The following EHD2 variants were observed in gnomAD, a reference collection of about 807,000 sequenced individuals.
The protein encoded by EHD2 is EH domain-containing protein 2.
Under a neutral mutation model 41.0 loss-of-function variants are expected in EHD2, and 27 were observed. That is an observed-to-expected ratio of 0.66 (90% CI 0.49 to 0.91). The LOEUF (loss-of-function observed/expected upper bound fraction) is 0.91. Among genes scored for constraint, EHD2 ranks in the 40% least tolerant of loss-of-function variants. The pLI is 0.00. For synonymous variants in EHD2, 342 were observed against 341.0 expected (o/e 1.00, Z -0.03); for missense variants, 673 against 773.9 (o/e 0.87, Z 1.55).
At chr19:47,731,289 T>TATATATATAC (rs1973810466) in intron 4 of EHD2, 1 of 84,464 alleles carries the variant, frequency 1.2e-5, no homozygotes, top group Non-Finnish European at 2.9e-5. Context: ...AATATATATA[T>TATATATATAC]ATATATATAT....
chr19:47,714,000 C>T (rs1178086950), intron 1 of EHD2, among the ~76,000 whole-genome samples: 1 of 152,148 alleles, frequency 6.6e-6, no homozygotes, highest in African/African-American at 2.4e-5. Flanking sequence ...AGAGCCCTCT[C>T]CCTCTGCCCA....
At chr19:47,720,341 AT>A (rs987375889) in intron 3 of EHD2, among the ~76,000 whole-genome samples, 2 of 150,060 alleles carry the variant, frequency 1.3e-5, no homozygotes, top group Admixed American at 6.7e-5. Context: ...TAATTTTTGT[AT>A]TTTTTTTTAG....
chr19:47,713,985 C>T (rs887153144), intron 1 of EHD2, among the ~76,000 whole-genome samples: 1 of 152,036 alleles, frequency 6.6e-6, no homozygotes, highest in Non-Finnish European at 1.5e-5. Flanking sequence ...CCTGGGACAC[C>T]GCCCAGAGCC....
intron 4 of EHD2, among the ~76,000 whole-genome samples, chr19:47,730,521 G>C (rs1973797623): frequency 6.6e-6 from 1 of 152,000 alleles, no homozygotes. Context: ...TCACATATGA[G>C]TCCGCCACAC....
intron 2 of EHD2, 131 bp from the exon 3 acceptor site, chr19:47,718,378 T>A (rs957253418): frequency 2.8e-6 from 2 of 718,106 alleles, no homozygotes; most frequent in East Asian, 5.9e-5. Context: ...TTGCCCTTTT[T>A]CTGTCCGGTG....
At chr19:47,728,357 C>A (rs1156261707) in intron 4 of EHD2, among the ~76,000 whole-genome samples, 1 of 151,916 alleles carries the variant, frequency 6.6e-6, no homozygotes, top group African/African-American at 2.4e-5. Flanking sequence ...GGCTCACTCC[C>A]TCCTCACCCC....
chr19:47,741,727 T>C lies in EHD2; in HGVS notation c.*295T>C. The C allele has an allele frequency of 1.7e-6, 1 of 602,290 alleles. No homozygotes were observed. The highest frequency in any genetic ancestry group is 1.9e-5 in the African/African-American group (1 of 53,614). The allele number at this position is 602,290 out of a possible 1,614,324, so 37.3% of individuals were successfully genotyped here. ...CATCCGTCATTCATTCAAATATTTATTGAGCACCTACTATGTGCCCAGCCC... is the reference window on the plus strand; with the variant it reads ...CATCCGTCATTCATTCAAATATTTACTGAGCACCTACTATGTGCCCAGCCC... On this transcript the variant is annotated 3_prime_UTR_variant, in exon 6 of 6. Coordinates refer to ENST00000263277, the MANE Select transcript of EHD2 (RefSeq NM_014601.4). This position sits in a 1 kb window ranked among gnomAD's most constrained non-coding sequence, Gnocchi z 4.5.
At chr19:47,721,110 G>A (rs189181573) in intron 3 of EHD2, among the ~76,000 whole-genome samples, 39 of 150,950 alleles carry the variant, frequency 2.6e-4, no homozygotes, top group Non-Finnish European at 4.4e-4. Flanking sequence ...GGTATGTCTG[G>A]GAGCCTGCAT....
At chr19:47,728,509 TTC>T in intron 4 of EHD2, among the ~76,000 whole-genome samples, 1 of 151,798 alleles carries the variant, frequency 6.6e-6, no homozygotes, top group East Asian at 1.9e-4. Context: ...CTCCTCTCCT[TTC>T]TCTCTTTCTC....
chr19:47,724,787 G>A (rs1379852133), intron 3 of EHD2, among the ~76,000 whole-genome samples: 4 of 151,848 alleles, frequency 2.6e-5, no homozygotes, highest in African/African-American at 7.3e-5. Context: ...TCTCAGCCTG[G>A]CCAACATGGT....
chr19:47,731,313 T>TATATATAA (rs1973813340), intron 4 of EHD2: 1 of 108,714 alleles, frequency 9.2e-6, no homozygotes, highest in African/African-American at 2.9e-5. Flanking sequence ...CATATATATA[T>TATATATAA]AATTTTTTTT....
chr19:47,740,200 T>C (rs968552946), intron 5 of EHD2, among the ~76,000 whole-genome samples: 1 of 151,748 alleles, frequency 6.6e-6, no homozygotes, highest in Non-Finnish European at 1.5e-5. Context: ...ACTTGGTCTC[T>C]ACAAAAAATT....
chr19:47,725,638 C>T (rs1190579189), intron 3 of EHD2, among the ~76,000 whole-genome samples, 174 bp from the exon 4 acceptor site: 11 of 152,192 alleles, frequency 7.2e-5, no homozygotes. Context: ...AGAGCCAGAG[C>T]AGTAGTGCCC....
At chr19:47,735,450 C>G (rs1311535483) in intron 4 of EHD2, among the ~76,000 whole-genome samples, 1 of 152,064 alleles carries the variant, frequency 6.6e-6, no homozygotes, top group Non-Finnish European at 1.5e-5. Context: ...AATGCAAATT[C>G]CCATCTGGGC....
At chr19:47,720,952 G>A (rs1041056932) in intron 3 of EHD2, among the ~76,000 whole-genome samples, 3 of 151,998 alleles carry the variant, frequency 2.0e-5, no homozygotes, top group African/African-American at 7.3e-5. Flanking sequence ...ATGTGTGTGC[G>A]ACTGTGTCTG....
chr19:47,719,090 C>T lies in EHD2; in HGVS notation c.502+484C>T, dbSNP rs981109706. Among the ~76,000 whole-genome samples, 3 of 152,160 alleles carry T rather than the reference C, an allele frequency of 2.0e-5. No individual in the cohort carries two copies. Among genetic ancestry groups the T allele is most frequent in the Non-Finnish European group, 4.4e-5 (3 of 68,016 alleles). On this transcript the variant is annotated intron_variant, in intron 3 of 5. Coordinates refer to ENST00000263277, the MANE Select transcript of EHD2 (RefSeq NM_014601.4). This position sits in a 1 kb window ranked among gnomAD's most constrained non-coding sequence, Gnocchi z 4.1. ...GAGCTAGTGGAAGCTGTGACTGCTC[C>T]ATGCTGGCTCGCATTGATGGGTGGG...
At chr19:47,738,413 C>T (rs1371541104) in intron 5 of EHD2, among the ~76,000 whole-genome samples, 1 of 151,906 alleles carries the variant, frequency 6.6e-6, no homozygotes, top group Non-Finnish European at 1.5e-5. Flanking sequence ...AGCAATTATC[C>T]TGCCTCAGCC....
In EHD2 at chr19:47,741,569, C is replaced by T. The variant is rs1290042917; in HGVS notation, c.*137C>T. On this transcript the variant is annotated 3_prime_UTR_variant, in exon 6 of 6. Transcript: ENST00000263277. This position sits in a 1 kb window ranked among gnomAD's most constrained non-coding sequence, Gnocchi z 4.5. ...GACCGGGGGTCTCCCTCCTCACTAC[C>T]GCCAGACACCCCGGTGGAAGCATTT... 9.0e-6 allele frequency: 9 copies of T among 996,068 alleles called. No homozygotes were observed. Among genetic ancestry groups the T allele is most frequent in the South Asian group, 1.7e-5 (1 of 60,418 alleles). 61.7% of individuals were successfully genotyped at this position (996,068 alleles called of 1,614,324 possible). A position where few individuals can be genotyped will look rare whatever the true frequency, so the allele number is the denominator to read the frequency against.
chr19:47,736,484 T>TG lies in EHD2; in HGVS notation c.1033dup (p.Glu345GlyfsTer11). On this transcript the variant is annotated frameshift_variant, in exon 5 of 6. Transcript: ENST00000263277. LOFTEE classifies it high-confidence loss of function. Reference sequence around the variant, plus strand: ...CCCGTCATCTTTGCGAAGATTCAGCTGGAACATCACATCTCCCCTGGGGAC... The same window carrying TG: ...CCCGTCATCTTTGCGAAGATTCAGCTGGGAACATCACATCTCCCCTGGGGAC... 6.2e-7 allele frequency: 1 copy of TG among 1,612,652 alleles called. No individual in the cohort carries two copies. The highest frequency in any genetic ancestry group is 1.1e-5 in the South Asian group (1 of 90,700).
Sources: gnomAD v4.1 joint callset for allele counts (sites outside exome capture counted in the v4.1 genomes callset) on GRCh38, gnomAD v4.1.1 for gene constraint, Gnocchi (gnomAD v3.1) non-coding constraint, MANE v1.5 for transcripts, NCBI Gene and HGNC (gene_info 2026-07-23, HGNC 2026-07-21) for gene names.